DIS3L2: variants seen among roughly 807,000 people sequenced by gnomAD.
DIS3L2 encodes DIS3 like 3'-5' exoribonuclease 2, also known as DIS3-like exonuclease 2.
A neutral mutation model predicts 97.5 loss-of-function variants in DIS3L2; 34 were observed. The observed-to-expected ratio is 0.35, with a 90% CI of 0.27 to 0.46. DIS3L2 has a LOEUF of 0.46. Ranked by LOEUF, DIS3L2 falls within the 20% of genes least tolerant of loss-of-function variation. The probability of loss-of-function intolerance (pLI) is 1.00; values close to 1 mark genes in which losing one functional copy is unlikely to be tolerated. For synonymous variants in DIS3L2, 435 were observed against 445.2 expected (o/e 0.98, Z 0.29); for missense variants, 1,038 against 1,146.0 (o/e 0.91, Z 1.36).
At chr2:232,116,826 A>G (rs1440919338) in intron 6 of DIS3L2, among the ~76,000 whole-genome samples, 6 of 63,600 alleles carry the variant, frequency 9.4e-5, no homozygotes, top group African/African-American at 2.0e-4. Context: ...CAAAAAACAA[A>G]CAAAAAGAAC....
At chr2:232,279,346 A>G (rs1384820336) in intron 13 of DIS3L2, among the ~76,000 whole-genome samples, 1 of 152,116 alleles carries the variant, frequency 6.6e-6, no homozygotes, top group Non-Finnish European at 1.5e-5. Flanking sequence ...TTGTGGTTTT[A>G]ATTTGAATTT....
chr2:232,083,697 G>A, intron 5 of DIS3L2, among the ~76,000 whole-genome samples: 1 of 152,040 alleles, frequency 6.6e-6, no homozygotes, highest in East Asian at 1.9e-4. Flanking sequence ...GTTTCACCAT[G>A]TTGGCCAGGC....
At chr2:232,145,144 T>A (rs1258516483) in intron 8 of DIS3L2, among the ~76,000 whole-genome samples, 2 of 152,252 alleles carry the variant, frequency 1.3e-5, no homozygotes, top group Non-Finnish European at 2.9e-5. Flanking sequence ...CCATTTTTAA[T>A]TGGGCTGTTT....
intron 6 of DIS3L2, among the ~76,000 whole-genome samples, chr2:232,127,330 A>T (rs1347793822): frequency 1.3e-5 from 2 of 152,216 alleles, no homozygotes; most frequent in Non-Finnish European, 2.9e-5. Context: ...CCTGTGCCAT[A>T]AGTGATGCCA....
chr2:232,072,603 A>G (rs992997069), intron 5 of DIS3L2, among the ~76,000 whole-genome samples: 3 of 152,058 alleles, frequency 2.0e-5, no homozygotes. Flanking sequence ...CTGACATATC[A>G]CTTATGTTTC....
chr2:232,290,958 C>CT (rs1252275398), intron 13 of DIS3L2, among the ~76,000 whole-genome samples: 2 of 152,152 alleles, frequency 1.3e-5, no homozygotes, highest in African/African-American at 4.8e-5. Flanking sequence ...GAGAAAGGTT[C>CT]TTTTTTGTGG....
At chr2:232,338,385 T>G (rs1157455480), downstream of DIS3L2, among the ~76,000 whole-genome samples, 1 of 152,226 alleles carries the variant, frequency 6.6e-6, no homozygotes, top group Non-Finnish European at 1.5e-5. Context: ...AGGGGGTTCC[T>G]GCTGCCTGGG....
intron 5 of DIS3L2, among the ~76,000 whole-genome samples, chr2:232,086,658 T>TAC (rs1194501691): frequency 3.6e-5 from 1 of 27,572 alleles, no homozygotes; most frequent in African/African-American, 1.4e-4. Context: ...TATATATATA[T>TAC]ATGTGTGTGT....
At chr2:232,088,887 G>A (rs757700230) in intron 6 of DIS3L2, among the ~76,000 whole-genome samples, 21 of 152,162 alleles carry the variant, frequency 1.4e-4, no homozygotes, top group Non-Finnish European at 1.3e-4. Flanking sequence ...CGAATTTTAT[G>A]TATACTATTA....
intron 1 of DIS3L2, among the ~76,000 whole-genome samples, chr2:231,966,783 T>C (rs778466954): frequency 1.1e-4 from 16 of 144,478 alleles, no homozygotes; most frequent in Non-Finnish European, 2.1e-4. Flanking sequence ...CATGAATCAC[T>C]GTGCCCATCC....
rs1239692638 is a variant in DIS3L2 at position 232,317,052 on chromosome 2, C to T, written c.1740-12761C>T. On this transcript the variant is annotated intron_variant, in intron 14 of 20. Coordinates refer to ENST00000325385, the MANE Select transcript of DIS3L2 (RefSeq NM_152383.5). Reference sequence around the variant, plus strand: ...ATTAGCCTCAGAACCACCAGTACCTCGCTGTGTGCCCTGGGAGGCAGGTTA... The same window carrying T: ...ATTAGCCTCAGAACCACCAGTACCTTGCTGTGTGCCCTGGGAGGCAGGTTA... 3.9e-5 allele frequency among the ~76,000 whole-genome samples: 6 copies of T among 152,186 alleles called. No homozygotes were observed. The East Asian group carries it at 7.7e-4, about 20-fold the overall frequency.
intron 9 of DIS3L2, among the ~76,000 whole-genome samples, chr2:232,206,281 A>G (rs1692023630): frequency 6.6e-6 from 1 of 152,210 alleles, no homozygotes. Context: ...TAATCATAAG[A>G]TCTTTTTTAA....
chr2:232,326,261 A>G (rs1389511672), intron 14 of DIS3L2, among the ~76,000 whole-genome samples: 3 of 152,168 alleles, frequency 2.0e-5, no homozygotes, highest in Non-Finnish European at 2.9e-5. Context: ...TGCTGGCCGC[A>G]GATGAGAGCC....
At chr2:232,014,593 A>G (rs1346781136) in intron 1 of DIS3L2, among the ~76,000 whole-genome samples, 3 of 152,118 alleles carry the variant, frequency 2.0e-5, no homozygotes, top group Admixed American at 2.0e-4. Context: ...TCATTGCCCC[A>G]TTTGTGGAGA....
intron 9 of DIS3L2, among the ~76,000 whole-genome samples, chr2:232,190,948 C>G (rs920335955): frequency 6.6e-6 from 1 of 152,192 alleles, no homozygotes; most frequent in Admixed American, 6.5e-5. Context: ...TTACCCTGTG[C>G]TCTGCTGCAG....
intron 1 of DIS3L2, among the ~76,000 whole-genome samples, chr2:231,964,024 C>T (rs1208527337): frequency 6.6e-6 from 1 of 152,186 alleles, no homozygotes; most frequent in East Asian, 1.9e-4. Context: ...TGACTGAGGT[C>T]TTTGCATTTA....
intron 5 of DIS3L2, among the ~76,000 whole-genome samples, chr2:232,051,673 G>T (rs1444290473): frequency 6.7e-6 from 1 of 150,146 alleles, no homozygotes; most frequent in Non-Finnish European, 1.5e-5. Context: ...TTAGCCGGGC[G>T]TAGTGGCGGG....
chr2:232,099,736 C>T, intron 6 of DIS3L2, among the ~76,000 whole-genome samples: 1 of 152,138 alleles, frequency 6.6e-6, no homozygotes, highest in Non-Finnish European at 1.5e-5. Flanking sequence ...AAGATCTTTG[C>T]TGTTTTAATC....
In DIS3L2 at chr2:232,336,492, G is replaced by A; in HGVS notation, c.2520G>A (p.Val840=). Residue 840 remains valine, a synonymous_variant, in exon 21 of 21, where the codon GTG becomes GTA. Transcript: ENST00000325385. ...AGGTCATCACCATCTTCAGCCTGGTGGAGGTGGTCCTGCAGGCAGAGTCCA... is the reference window on the plus strand; with the variant it reads ...AGGTCATCACCATCTTCAGCCTGGTAGAGGTGGTCCTGCAGGCAGAGTCCA... ...AQQVITIFSL[V]EVVLQAESTA... 1.9e-6 allele frequency: 3 copies of A among 1,611,440 alleles called. No homozygotes were observed. The highest frequency in any genetic ancestry group is 2.5e-6 in the Non-Finnish European group (3 of 1,179,674).
Sources: allele counts gnomAD v4.1 joint callset (sites outside exome capture counted in the v4.1 genomes callset), GRCh38; gene constraint gnomAD v4.1.1; transcripts MANE v1.5; gene names NCBI Gene and HGNC (gene_info 2026-07-23, HGNC 2026-07-21).